Variants in GTPBP4 observed in about 807,000 individuals in gnomAD.
The protein encoded by GTPBP4 is GTP binding protein 4.
Under a neutral mutation model 81.7 loss-of-function variants are expected in GTPBP4, and 15 were observed. The observed-to-expected ratio is 0.18, with a 90% CI of 0.12 to 0.28. The LOEUF (loss-of-function observed/expected upper bound fraction) is 0.28. Ranked by LOEUF, GTPBP4 falls within the 10% of genes least tolerant of loss-of-function variation. GTPBP4 has a pLI of 1.00. For missense variants in GTPBP4, 847 were observed against 793.8 expected, an observed-to-expected ratio of 1.07 and a Z score of -0.81; for synonymous variants, 272 against 274.6, an observed-to-expected ratio of 0.99 and a Z score of 0.09.
intron 12 of GTPBP4, among the ~76,000 whole-genome samples, chr10:1,010,216 G>T (rs1475001335): frequency 1.2e-5 from 1 of 84,924 alleles, no homozygotes; most frequent in African/African-American, 3.3e-5. Context: ...GTTTTGGGAT[G>T]GTGGGGTGAT....
chr10:1,000,235 C>CTTT lies in GTPBP4; in HGVS notation c.655-420_655-418dup, dbSNP rs11331615. On this transcript the variant is annotated intron_variant, in intron 6 of 16. Transcript: ENST00000360803. ...TGTGGTATTCAGTTTGGGAGACCTA[C>CTTT]TTTTTTTTTTTTTTTTTTTTTTTTG... 3.9e-3 allele frequency among the ~76,000 whole-genome samples: 191 copies of CTTT among 49,254 alleles called. 3 individuals carry two copies. The highest frequency in any genetic ancestry group is 8.9e-3 in the African/African-American group (115 of 12,912). 32.3% of individuals were successfully genotyped at this position (49,254 alleles called of 152,430 possible).
At chr10:993,796 CTT>C (rs755504681) in intron 2 of GTPBP4, among the ~76,000 whole-genome samples, 1 of 146,112 alleles carries the variant, frequency 6.8e-6, no homozygotes, top group South Asian at 2.2e-4. Context: ...GTTATAATGG[CTT>C]TTTTTTTTTA....
At chr10:997,179 C>T in intron 4 of GTPBP4, 29 bp from the exon 5 acceptor site, 1 of 1,281,966 alleles carries the variant, frequency 7.8e-7, no homozygotes, top group Non-Finnish European at 1.1e-6. Flanking sequence ...CTTTGAATTT[C>T]TTAATTTTTC....
chr10:1,009,543 G>T lies in GTPBP4; in HGVS notation c.1206G>T (p.Glu402Asp), dbSNP rs546188373. Reference protein sequence around the residue: ...ESRKKRERDLELEMGDDYILD... With the variant: ...ESRKKRERDLDLEMGDDYILD... ...TTCTATTGCAGGAACGAGATCTTGA[G>T]CTGGAAATGGGAGATGATTATATTT... Residue 402 changes from glutamate (E) to aspartate (D), a missense_variant, in exon 12 of 17, where the codon GAG becomes GAT. Physicochemically the swap from Glu to Asp is conservative, Grantham distance 45. Coordinates refer to ENST00000360803, the MANE Select transcript of GTPBP4 (RefSeq NM_012341.3). 6.2e-7 allele frequency: 1 copy of T among 1,604,706 alleles called. No individual in the cohort carries two copies. Among genetic ancestry groups the T allele is most frequent in the Admixed American group, 1.7e-5 (1 of 60,026 alleles).
intron 8 of GTPBP4, among the ~76,000 whole-genome samples, chr10:1,004,284 A>G (rs950250794): frequency 6.6e-6 from 1 of 152,154 alleles, no homozygotes; most frequent in Non-Finnish European, 1.5e-5. Flanking sequence ...TTTGGGCCCT[A>G]GAGGACAGGG....
rs73590149 is a variant in GTPBP4, at chr10:1,002,433, G to A, written c.912+1420G>A. 9.1e-3 allele frequency among the ~76,000 whole-genome samples: 1,387 copies of A among 152,198 alleles called. 22 individuals carry two copies. The highest frequency in any genetic ancestry group is 0.031 in the African/African-American group (1,295 of 41,516). ...CTACTTGCTTTTAGTTTCCATCTGCGTAGAATATCTTTTTGCATCTCTTCA... is the reference window on the plus strand; with the variant it reads ...CTACTTGCTTTTAGTTTCCATCTGCATAGAATATCTTTTTGCATCTCTTCA... On this transcript the variant is annotated intron_variant, in intron 8 of 16. Coordinates refer to ENST00000360803, the MANE Select transcript of GTPBP4 (RefSeq NM_012341.3).
intron 10 of GTPBP4, chr10:1,008,432 C>A: frequency 3.0e-6 from 1 of 334,398 alleles, no homozygotes. Context: ...TTTATACTAG[C>A]ATTAAAAATT....
intron 1 of GTPBP4, chr10:989,054 A>G (rs1831394998): frequency 6.6e-6 from 1 of 152,532 alleles, no homozygotes; most frequent in South Asian, 2.0e-4. Flanking sequence ...GGCCCAGACT[A>G]AATTTTTACA....
At chr10:991,975 G>C (rs376866131) in intron 1 of GTPBP4, among the ~76,000 whole-genome samples, 1 of 150,924 alleles carries the variant, frequency 6.6e-6, no homozygotes, top group Admixed American at 6.6e-5. Context: ...GATTACAGGC[G>C]TGAGCCACCG....
chr10:1,012,385 C>T (rs1831894048), intron 13 of GTPBP4, 80 bp from the exon 14 acceptor site: 1 of 951,592 alleles, frequency 1.1e-6, no homozygotes, highest in Admixed American at 2.4e-5. Flanking sequence ...AACAAAGCTC[C>T]CATACACACT....
Position 1,017,761 on chromosome 10 carries a change from A to G in GTPBP4, c.*534A>G, listed in dbSNP as rs1832017633. 6.6e-6 allele frequency: 1 copy of G among 152,292 alleles called. No homozygotes were observed. The highest frequency in any genetic ancestry group is 1.5e-5 in the Non-Finnish European group (1 of 68,082). The allele number at this position is 152,292 out of a possible 1,614,324, so 9.4% of individuals were successfully genotyped here. ...TATGGATTTGGCCAAATAAAAAGGCAAACAACATGACATTTCTATTTTGTT... is the reference window on the plus strand; with the variant it reads ...TATGGATTTGGCCAAATAAAAAGGCGAACAACATGACATTTCTATTTTGTT... On this transcript the variant is annotated 3_prime_UTR_variant, in exon 17 of 17. Coordinates refer to ENST00000360803, the MANE Select transcript of GTPBP4 (RefSeq NM_012341.3).
intron 6 of GTPBP4, among the ~76,000 whole-genome samples, chr10:1,000,459 G>A (rs1265624711): frequency 6.6e-6 from 1 of 151,370 alleles, no homozygotes; most frequent in Non-Finnish European, 1.5e-5. Context: ...GGATGGTCTC[G>A]ATCTCCTGAC....
chr10:996,889 T>C (rs993473400), intron 4 of GTPBP4: 15 of 308,866 alleles, frequency 4.9e-5, no homozygotes, highest in Non-Finnish European at 3.6e-5. Flanking sequence ...GGTTCCCTAA[T>C]GTCATCTTGC....
rs759627235 is a variant in GTPBP4, at chr10:1,001,061, T to G, written c.912+48T>G. 3 of 1,345,902 alleles carry G rather than the reference T, an allele frequency of 2.2e-6. No individual in the cohort carries two copies. In the East Asian group the frequency reaches 6.9e-5, roughly 31 times the overall value. The allele number at this position is 1,345,902 out of a possible 1,614,324, so 83.4% of individuals were successfully genotyped here. The stretch of plus-strand genomic sequence containing the variant: ...ATATTTCTTACTTACCAATTCTGAA[T>G]TCTCATCTCAGACAACCAAAGTTTA... On this transcript the variant is annotated intron_variant, in intron 8 of 16. Coordinates refer to ENST00000360803, the MANE Select transcript of GTPBP4 (RefSeq NM_012341.3).
intron 13 of GTPBP4, among the ~76,000 whole-genome samples, chr10:1,011,800 C>T (rs1012459649): frequency 3.3e-5 from 5 of 152,196 alleles, no homozygotes; most frequent in African/African-American, 7.2e-5. Flanking sequence ...TCACTGTCCC[C>T]GCGGTGGCCG....
rs772817794 is a variant in GTPBP4, at chr10:1,000,780, A to G, written c.758A>G (p.Tyr253Cys). The G allele has an allele frequency of 3.1e-6, 5 of 1,611,042 alleles. No individual in the cohort carries two copies. The highest frequency in any genetic ancestry group is 4.2e-6 in the Non-Finnish European group (5 of 1,178,410). ...GCCCACCTCCGTGCTGCGGTCCTGT[A>G]TGTGATGGATTTGTCTGAGCAGTGT... ...ALAHLRAAVL[Y>C]VMDLSEQCGH... The change falls in exon 7 of 17, where the codon TAT becomes TGT. Residue 253 changes from tyrosine (Y) to cysteine (C), a missense_variant. Around this residue, in one of 3 missense-constraint regions of GTPBP4, gnomAD observed 600 missense variants for 557.1 expected, o/e 1.08. Coordinates refer to ENST00000360803, the MANE Select transcript of GTPBP4 (RefSeq NM_012341.3).
At position 1,005,818 on chromosome 10, in the gene GTPBP4, A is replaced by G. The variant is rs201097765; in HGVS notation, c.913A>G (p.Lys305Glu). Residue 305 changes from lysine (K) to glutamate (E), a missense_variant and splice_region_variant, in exon 9 of 17, where the codon AAA (lysine) becomes GAA (glutamate). Transcript: ENST00000360803. ...TCTCGTTTTTTCTTTGCATTCCCAGAAAATATTTACAGATTTGCAGTCTGA... is the reference window on the plus strand; with the variant it reads ...TCTCGTTTTTTCTTTGCATTCCCAGGAAATATTTACAGATTTGCAGTCTGA... ...RIAELSEDDQ[K>E]IFTDLQSEGF... The G allele has an allele frequency of 1.9e-5, 29 of 1,561,598 alleles. No homozygotes were observed. The highest frequency in any genetic ancestry group is 2.2e-5 in the Non-Finnish European group (25 of 1,132,372).
intron 16 of GTPBP4, among the ~76,000 whole-genome samples, chr10:1,016,538 C>T (rs1344882883): frequency 2.6e-5 from 4 of 152,212 alleles, no homozygotes; most frequent in Admixed American, 6.5e-5. Context: ...GTGCCATTGC[C>T]ATCTTGAAAC....
At chr10:1,006,484 C>T (rs1348024663) in intron 9 of GTPBP4, among the ~76,000 whole-genome samples, 1 of 152,124 alleles carries the variant, frequency 6.6e-6, no homozygotes, top group East Asian at 1.9e-4. Context: ...CCTAAAAATA[C>T]AAAATTAGCC....
Sources: allele counts gnomAD v4.1 joint callset (sites outside exome capture counted in the v4.1 genomes callset), GRCh38; gene constraint gnomAD v4.1.1; regional missense constraint gnomAD v4.1.1; transcripts MANE v1.5; gene names NCBI Gene and HGNC (gene_info 2026-07-23, HGNC 2026-07-21).